The following FHIT variants were observed in gnomAD, a reference collection of about 807,000 sequenced individuals.
The protein encoded by FHIT is bis(5'-adenosyl)-triphosphatase.
A neutral mutation model predicts 17.9 loss-of-function variants in FHIT; 19 were observed. That is an observed-to-expected ratio of 1.06 (90% CI 0.74 to 1.56). FHIT has a LOEUF of 1.56. FHIT is among the 40% of genes most tolerant of loss of function. The pLI is 0.00. For missense variants in FHIT, 248 were observed against 189.2 expected (o/e 1.31, Z -1.82); for synonymous variants, 81 against 69.7 (o/e 1.16, Z -0.81).
At chr3:59,908,567 C>T (rs1704692827) in intron 8 of FHIT, among the ~76,000 whole-genome samples, 1 of 152,066 alleles carries the variant, frequency 6.6e-6, no homozygotes, top group Non-Finnish European at 1.5e-5. Context: ...ACACAAGGAC[C>T]AGGCAAAGTG....
At chr3:61,238,925 A>T (rs939896143) in intron 1 of FHIT, among the ~76,000 whole-genome samples, 1 of 152,208 alleles carries the variant, frequency 6.6e-6, no homozygotes, top group African/African-American at 2.4e-5. Context: ...ATTAGGGGGC[A>T]GAAGTGGGTA....
chr3:60,620,074 T>A (rs1467091403), intron 4 of FHIT, among the ~76,000 whole-genome samples: 5 of 152,158 alleles, frequency 3.3e-5, no homozygotes, highest in African/African-American at 9.7e-5. Flanking sequence ...ACATATATTA[T>A]TAGGATATTG....
chr3:59,948,954 G>A (rs2107299121), intron 7 of FHIT, among the ~76,000 whole-genome samples: 1 of 152,206 alleles, frequency 6.6e-6, no homozygotes, highest in South Asian at 2.1e-4. Flanking sequence ...ACTACTGTGT[G>A]AAGCTGAGGT....
chr3:60,557,655 G>A (rs1184623995), intron 4 of FHIT, among the ~76,000 whole-genome samples: 2 of 151,678 alleles, frequency 1.3e-5, no homozygotes, highest in African/African-American at 2.4e-5. Flanking sequence ...AAACAAAGTT[G>A]GGAGCAATGC....
chr3:59,938,667 T>G (rs1395156450), intron 7 of FHIT, among the ~76,000 whole-genome samples: 3 of 152,196 alleles, frequency 2.0e-5, no homozygotes, highest in African/African-American at 7.2e-5. Context: ...CTTAACACCA[T>G]GTTGTATACC....
chr3:60,418,416 A>AGACAGCCC (rs1702341153), intron 5 of FHIT, among the ~76,000 whole-genome samples: 1 of 45,740 alleles, frequency 2.2e-5, no homozygotes, highest in Admixed American at 3.2e-4. Context: ...ATATATATAT[A>AGACAGCCC]TATATATATA....
At chr3:60,109,576 C>G (rs558718313) in intron 5 of FHIT, among the ~76,000 whole-genome samples, 1 of 152,096 alleles carries the variant, frequency 6.6e-6, no homozygotes, top group African/African-American at 2.4e-5. Flanking sequence ...CAAAGCAGAA[C>G]AGAGAAAGGG....
chr3:59,965,033 CAAAA>C (rs759342373), intron 7 of FHIT, among the ~76,000 whole-genome samples: 79 of 152,132 alleles, frequency 5.2e-4, no homozygotes, highest in Admixed American at 3.3e-3. Flanking sequence ...ATTAAACAAA[CAAAA>C]AAACACTTGT....
intron 3 of FHIT, among the ~76,000 whole-genome samples, chr3:60,935,201 A>G (rs1305795937): frequency 6.6e-6 from 1 of 152,230 alleles, no homozygotes; most frequent in Non-Finnish European, 1.5e-5. Flanking sequence ...CAAATAGTTA[A>G]TTAACTATTA....
At chr3:60,823,076 A>T (rs782321226) in intron 3 of FHIT, among the ~76,000 whole-genome samples, 4 of 152,204 alleles carry the variant, frequency 2.6e-5, no homozygotes, top group African/African-American at 4.8e-5. Flanking sequence ...CATTCATTTA[A>T]CAAGTATTTA....
chr3:60,255,841 C>T (rs59183318), intron 5 of FHIT, among the ~76,000 whole-genome samples: 19,782 of 151,546 alleles, frequency 0.13, 1,764 homozygotes, highest in Non-Finnish European at 0.18. Flanking sequence ...GGCAACAGAG[C>T]GAGACTCCAT....
chr3:61,236,356 C>T (rs1265408246), intron 1 of FHIT, among the ~76,000 whole-genome samples: 4 of 151,616 alleles, frequency 2.6e-5, no homozygotes, highest in Non-Finnish European at 4.4e-5. Flanking sequence ...GCTCTAGATG[C>T]CTTCCCAGTG....
chr3:60,249,749 G>C (rs559563848), intron 5 of FHIT, among the ~76,000 whole-genome samples: 6 of 145,086 alleles, frequency 4.1e-5, no homozygotes, highest in Non-Finnish European at 9.1e-5. Flanking sequence ...AAAAGAGGGA[G>C]AGTGTATTAA....
At position 60,933,568 on chromosome 3, in the gene FHIT, C is replaced by T. The variant is rs569034801; in HGVS notation, c.-111+108479G>A. On this transcript the variant is annotated intron_variant, in intron 3 of 9. Transcript: ENST00000492590. ...GGACAGCTCAGGTAAGCCTCAAAAG[C>T]GGGTGTGTAGAGTAGGAAGTTGAAT... 7.9e-4 allele frequency among the ~76,000 whole-genome samples: 120 copies of T among 152,224 alleles called. No individual in the cohort carries two copies. The Middle Eastern group carries it at 0.01, about 13-fold the overall frequency.
intron 7 of FHIT, among the ~76,000 whole-genome samples, chr3:59,965,368 T>C (rs1424024142): frequency 6.6e-6 from 1 of 152,158 alleles, no homozygotes; most frequent in Non-Finnish European, 1.5e-5. Flanking sequence ...ATACTAAATC[T>C]CACAGAACTA....
At chr3:61,031,755 G>A (rs1365702547) in intron 3 of FHIT, among the ~76,000 whole-genome samples, 3 of 152,308 alleles carry the variant, frequency 2.0e-5, no homozygotes, top group Middle Eastern at 6.8e-3. Flanking sequence ...TTCAAGGCCT[G>A]TGTTCACTAA....
intron 5 of FHIT, among the ~76,000 whole-genome samples, chr3:60,048,593 T>G (rs913820333): frequency 6.6e-6 from 1 of 152,228 alleles, no homozygotes; most frequent in African/African-American, 2.4e-5. Context: ...ACAGCAGGTG[T>G]GTTAACGTTC....
intron 5 of FHIT, among the ~76,000 whole-genome samples, chr3:60,455,508 A>C (rs974014673): frequency 1.3e-5 from 2 of 152,176 alleles, no homozygotes; most frequent in Non-Finnish European, 2.9e-5. Flanking sequence ...GAGGATCAAA[A>C]TGTGATAATG....
In FHIT at chr3:60,760,953, CTCTT is replaced by C. The variant is rs548986877; in HGVS notation, c.-18+60962_-18+60965del. Among the ~76,000 whole-genome samples the C allele has an allele frequency of 3.4e-3, 525 of 152,266 alleles. 4 individuals are homozygous for C. The highest frequency in any genetic ancestry group is 0.012 in the African/African-American group (480 of 41,542). On this transcript the variant is annotated intron_variant, in intron 4 of 9. Coordinates refer to ENST00000492590, the MANE Select transcript of FHIT (RefSeq NM_002012.4). Reference sequence around the variant, plus strand: ...ATATGGAAATGATCTTTATTTTAGACTCTTTCTCATTTAGCCTGTTGGGCTCCGA... The same window carrying C: ...ATATGGAAATGATCTTTATTTTAGACTCTCATTTAGCCTGTTGGGCTCCGA...
Sources: allele counts gnomAD v4.1 joint callset (sites outside exome capture counted in the v4.1 genomes callset), GRCh38; gene constraint gnomAD v4.1.1; transcripts MANE v1.5; gene names NCBI Gene and HGNC (gene_info 2026-07-23, HGNC 2026-07-21).